The following CDH23 variants were observed in gnomAD, a reference collection of about 807,000 sequenced individuals.
CDH23 encodes the protein cadherin-23.
In CDH23, 189 loss-of-function variants were observed where a neutral mutation model predicts 317.1. The observed-to-expected ratio is 0.60, with a 90% CI of 0.53 to 0.67. CDH23 has a LOEUF of 0.67. Among genes scored for constraint, CDH23 ranks in the 30% least tolerant of loss-of-function variants. The pLI is 0.00. For synonymous variants in CDH23, 1,839 were observed against 1,876.8 expected (o/e 0.98, Z 0.52); for missense variants, 4,401 against 4,592.4 (o/e 0.96, Z 1.20).
intron 1 of CDH23, among the ~76,000 whole-genome samples, chr10:71,398,154 C>A (rs1847611646): frequency 1.3e-5 from 2 of 152,226 alleles, no homozygotes; most frequent in Non-Finnish European, 2.9e-5. Flanking sequence ...AGGCTGCCTC[C>A]GTGCTGTGAG....
chr10:71,722,015 C>T (rs6480549), intron 28 of CDH23, among the ~76,000 whole-genome samples: 23,219 of 152,222 alleles, frequency 0.15, 3,618 homozygotes, highest in African/African-American at 0.38. Context: ...CAGCCAATCC[C>T]ACCTTCACTG....
At chr10:71,628,501 G>A (rs1226097980) in intron 11 of CDH23, among the ~76,000 whole-genome samples, 2 of 152,128 alleles carry the variant, frequency 1.3e-5, no homozygotes, top group Non-Finnish European at 2.9e-5. Context: ...TTGAGAGTGA[G>A]ATAATTTTTG....
chr10:71,485,023 C>CTTTTTTTTTTTT (rs56153129), intron 3 of CDH23, among the ~76,000 whole-genome samples: 11 of 110,144 alleles, frequency 1.0e-4, no homozygotes, highest in Admixed American at 1.9e-4. Context: ...TTTCTTTTTT[C>CTTTTTTTTTTTT]TTTTTTTTTT....
At chr10:71,645,799 C>G in intron 12 of CDH23, 32 bp from the exon 13 acceptor site, 1 of 1,603,510 alleles carries the variant, frequency 6.2e-7, no homozygotes, top group Non-Finnish European at 8.5e-7. Flanking sequence ...CTGTGCCCTT[C>G]CTGACTGGCT....
chr10:71,645,701 A>G (rs1286764246), intron 12 of CDH23, 130 bp from the exon 13 acceptor site: 3 of 1,014,492 alleles, frequency 3.0e-6, no homozygotes, highest in Non-Finnish European at 4.7e-6. Flanking sequence ...GCTCTGTCCC[A>G]GCGCCTCATC....
At chr10:71,541,850 T>A (rs1001218370) in intron 6 of CDH23, among the ~76,000 whole-genome samples, 3 of 152,244 alleles carry the variant, frequency 2.0e-5, no homozygotes, top group African/African-American at 7.2e-5. Flanking sequence ...TTATAGATGC[T>A]GAGATTTGAA....
chr10:71,759,938 C>CACACACACATATAT (rs1840277253), intron 38 of CDH23, among the ~76,000 whole-genome samples: 3 of 108,392 alleles, frequency 2.8e-5, no homozygotes, highest in African/African-American at 7.0e-5. Context: ...CACATATATA[C>CACACACACATATAT]ACACACACAT....
intron 30 of CDH23, among the ~76,000 whole-genome samples, chr10:71,727,109 G>A (rs1166434200): frequency 6.6e-6 from 1 of 152,174 alleles, no homozygotes; most frequent in East Asian, 1.9e-4. Flanking sequence ...TAAATGCCTC[G>A]TGTACTTTAA....
rs111033488 is a variant in CDH23 at position 71,730,508 on chromosome 10, G to A, written c.3619G>A (p.Val1207Met). ...GGAGGACATCAACGATGAGGCCCCC[G>A]TGTTCACACAGCAGCAGTACAGCCG... Reference protein sequence around the residue: ...YVEDINDEAPVFTQQQYSRLG... With the variant: ...YVEDINDEAPMFTQQQYSRLG... The change falls in exon 31 of 70, where the codon GTG (valine) becomes ATG (methionine). Residue 1207 changes from valine to methionine, a missense_variant. Coordinates refer to ENST00000224721, the MANE Select transcript of CDH23 (RefSeq NM_022124.6). The A allele has an allele frequency of 2.6e-3, 4,135 of 1,613,920 alleles. 97 individuals are homozygous for A. The African/African-American group carries it at 0.05, about 19-fold the overall frequency.
intron 11 of CDH23, among the ~76,000 whole-genome samples, chr10:71,637,309 C>G (rs997920325): frequency 6.6e-6 from 1 of 152,104 alleles, no homozygotes; most frequent in Non-Finnish European, 1.5e-5. Context: ...TCTGCCTGCT[C>G]CTTTCATTTC....
At chr10:71,450,608 G>A (rs529172480) in intron 3 of CDH23, among the ~76,000 whole-genome samples, 5 of 152,232 alleles carry the variant, frequency 3.3e-5, no homozygotes, top group East Asian at 1.9e-4. Context: ...TGCTGATGTC[G>A]AGATCACCAA....
intron 48 of CDH23, among the ~76,000 whole-genome samples, chr10:71,794,321 G>A (rs955396904): frequency 2.0e-5 from 3 of 152,196 alleles, no homozygotes; most frequent in Non-Finnish European, 4.4e-5. Context: ...TGTTTAATAT[G>A]CATTTCTTTA....
chr10:71,517,842 A>G (rs1854426086), intron 6 of CDH23, among the ~76,000 whole-genome samples: 1 of 152,018 alleles, frequency 6.6e-6, no homozygotes, highest in Non-Finnish European at 1.5e-5. Flanking sequence ...GCCCCAGACG[A>G]TGTCTCTATG....
chr10:71,753,053 T>C (rs1840046098), intron 38 of CDH23: 2 of 1,595,110 alleles, frequency 1.3e-6, no homozygotes, highest in African/African-American at 1.3e-5. Context: ...GGCTTCCCCA[T>C]ACAACATCCC....
chr10:71,442,891 G>A (rs542221742), intron 2 of CDH23, among the ~76,000 whole-genome samples: 154 of 152,334 alleles, frequency 1.0e-3, no homozygotes, highest in Middle Eastern at 3.4e-3. Context: ...ACCTGTGGCC[G>A]GGAGGCAGGA....
At chr10:71,498,300 C>A (rs564843595) in intron 3 of CDH23, among the ~76,000 whole-genome samples, 2 of 152,290 alleles carry the variant, frequency 1.3e-5, no homozygotes, top group African/African-American at 4.8e-5. Context: ...GCCCTTTGAG[C>A]CTGTGTTCCA....
intron 1 of CDH23, among the ~76,000 whole-genome samples, chr10:71,423,022 T>G (rs1453284273): frequency 6.6e-6 from 1 of 152,216 alleles, no homozygotes; most frequent in African/African-American, 2.4e-5. Flanking sequence ...TATGTTTTTA[T>G]ATTTATATTA....
chr10:71,692,736 G>A (rs1374026214), intron 20 of CDH23, among the ~76,000 whole-genome samples: 4 of 152,186 alleles, frequency 2.6e-5, no homozygotes, highest in Non-Finnish European at 5.9e-5. Flanking sequence ...AAGCAATCTG[G>A]TCCAGCTGCC....
rs370794439 is a variant in CDH23 at position 71,793,475 on chromosome 10, G to A, written c.6547G>A (p.Val2183Met). Reference protein sequence around the residue: ...EFLNPIQTVSVLESAEPGTVI... With the variant: ...EFLNPIQTVSMLESAEPGTVI... ...CCTCAACCCCATCCAGACAGTGAGCGTGCTGGAGTCGGCTGAGCCAGGCAC... is the reference window on the plus strand; with the variant it reads ...CCTCAACCCCATCCAGACAGTGAGCATGCTGGAGTCGGCTGAGCCAGGCAC... The change falls in exon 48 of 70, where the codon GTG becomes ATG. Residue 2183 changes from valine to methionine, a missense_variant. Coordinates refer to ENST00000224721, the MANE Select transcript of CDH23 (RefSeq NM_022124.6). 4.5e-5 allele frequency: 73 copies of A among 1,613,864 alleles called. 1 individual carries two copies. In the African/African-American group the frequency reaches 6.0e-4, roughly 13 times the overall value.
Sources: allele counts gnomAD v4.1 joint callset (sites outside exome capture counted in the v4.1 genomes callset), GRCh38; gene constraint gnomAD v4.1.1; transcripts MANE v1.5; gene names NCBI Gene and HGNC (gene_info 2026-07-23, HGNC 2026-07-21).